The following TAGLN2 variants were observed in gnomAD, a reference collection of about 807,000 sequenced individuals.
The protein encoded by TAGLN2 is transgelin-2.
In TAGLN2, 14 loss-of-function variants were observed where a neutral mutation model predicts 24.9. The observed-to-expected ratio is 0.56, with a 90% confidence interval of 0.37 to 0.88. The LOEUF (loss-of-function observed/expected upper bound fraction) is 0.88, where lower values mean the gene tolerates loss of function less well. Among genes scored for constraint, TAGLN2 ranks in the 40% least tolerant of loss-of-function variants. The pLI, the probability that TAGLN2 is intolerant of heterozygous loss-of-function variation, is 0.00. For missense variants in TAGLN2, 208 were observed against 258.9 expected (o/e 0.80, Z 1.35); for synonymous variants, 77 against 98.2 (o/e 0.78, Z 1.28).
chr1:159,919,976 T>A, intron 2 of TAGLN2, 141 bp from the exon 3 acceptor site: 1 of 963,292 alleles, frequency 1.0e-6, no homozygotes, highest in Non-Finnish European at 1.6e-6. Context: ...TTCACTAGAG[T>A]AAGCCTCACA....
Position 159,920,403 on chromosome 1 carries a change from G to A in TAGLN2, c.107C>T (p.Thr36Ile), listed in dbSNP as rs2101865952. 4 of 1,614,162 alleles carry A rather than the reference G, an allele frequency of 2.5e-6. No homozygotes were observed. The highest frequency in any genetic ancestry group is 2.5e-6 in the Non-Finnish European group (3 of 1,180,004). Reference sequence around the variant, plus strand: ...CCGGCCCACATCCTTTCGGCACTGGGTGGTGATCCACTGGATCAGGATCTG... The same window carrying A: ...CCGGCCCACATCCTTTCGGCACTGGATGGTGATCCACTGGATCAGGATCTG... ...LEQILIQWIT[T>I]QCRKDVGRPQ... The change falls in exon 2 of 5, where the codon ACC becomes ATC. Residue 36 changes from threonine (T) to isoleucine (I), a missense_variant. By Grantham distance (89) the Thr-to-Ile change is moderately conservative. Coordinates refer to ENST00000368097, the MANE Select transcript of TAGLN2 (RefSeq NM_003564.3).
At chr1:159,919,062 G>T in intron 4 of TAGLN2, 121 bp from the exon 5 acceptor site, 1 of 1,495,564 alleles carries the variant, frequency 6.7e-7, no homozygotes, top group Non-Finnish European at 9.1e-7. Context: ...GCCCTCGAGA[G>T]CCATAAGCTC....
chr1:159,922,210 C>T (rs561151955), intron 1 of TAGLN2, among the ~76,000 whole-genome samples: 1 of 152,308 alleles, frequency 6.6e-6, no homozygotes, highest in East Asian at 1.9e-4. Flanking sequence ...CTCTCGGCCG[C>T]AGAGGCTGTG....
At chr1:159,922,052 C>T (rs1416978916) in intron 1 of TAGLN2, among the ~76,000 whole-genome samples, 2 of 152,272 alleles carry the variant, frequency 1.3e-5, no homozygotes, top group Non-Finnish European at 2.9e-5. Context: ...CCACATCTGG[C>T]TCCAGGCCAG....
intron 1 of TAGLN2, chr1:159,923,549 GCAGATGGAA>G: frequency 6.9e-7 from 1 of 1,449,732 alleles, no homozygotes; most frequent in Non-Finnish European, 9.3e-7. Flanking sequence ...CATCCACCGT[GCAGATGGAA>G]CACAGGAGAA....
chr1:159,920,651 G>T (rs1289690604), intron 1 of TAGLN2, 114 bp from the exon 2 acceptor site: 1 of 1,476,228 alleles, frequency 6.8e-7, no homozygotes, highest in Non-Finnish European at 9.0e-7. Context: ...TGAGCCCCAA[G>T]GATGAGGACC....
At position 159,918,619 on chromosome 1, in the gene TAGLN2, G is replaced by T; in HGVS notation, c.*181C>A. 1.2e-6 allele frequency: 1 copy of T among 814,392 alleles called. No homozygotes were observed. 50.4% of individuals were successfully genotyped at this position (814,392 alleles called of 1,614,324 possible). ...TGGCTATGGGGAAGGGAATGTATTA[G>T]TAAGCATGGGGGAGAGGATGCCAGC... On this transcript the variant is annotated 3_prime_UTR_variant, in exon 5 of 5. Coordinates refer to ENST00000368097, the MANE Select transcript of TAGLN2 (RefSeq NM_003564.3).
At chr1:159,919,068 A>G (rs1650436536) in intron 4 of TAGLN2, 127 bp from the exon 5 acceptor site, 4 of 1,417,988 alleles carry the variant, frequency 2.8e-6, no homozygotes, top group Non-Finnish European at 3.9e-6. Context: ...GAGAGCCATA[A>G]GCTCTCTGAA....
Position 159,919,671 on chromosome 1 carries a change from G to A in TAGLN2, c.345C>T (p.Asp115=), listed in dbSNP as rs1194055451. The change falls in exon 3 of 5, where the codon GAC becomes GAT. Residue 115 remains aspartate (D), a synonymous_variant. Coordinates refer to ENST00000368097, the MANE Select transcript of TAGLN2 (RefSeq NM_003564.3). The part of the protein sequence containing the change: ...INTTDIFQTV[D]LWEGKNMACV... Reference sequence around the variant, plus strand: ...CTCGCCCTGTCCCACCTTCCCAGAGGTCCACAGTTTGGAAGATGTCAGTGG... The same window carrying A: ...CTCGCCCTGTCCCACCTTCCCAGAGATCCACAGTTTGGAAGATGTCAGTGG... The A allele has an allele frequency of 6.2e-7, 1 of 1,612,636 alleles. No homozygotes were observed. The highest frequency in any genetic ancestry group is 1.3e-5 in the African/African-American group (1 of 74,882).
Position 159,918,574 on chromosome 1 carries a change from G to A in TAGLN2, c.*226C>T, listed in dbSNP as rs1319540106. On this transcript the variant is annotated 3_prime_UTR_variant, in exon 5 of 5. Transcript: ENST00000368097. ...TTTTGGTCCCAGGGGAAAGGAAGAG[G>A]CCAGTTGGTCCAGTTTTGATGGCTA... 3.6e-6 allele frequency: 2 copies of A among 561,012 alleles called. No homozygotes were observed. The highest frequency in any genetic ancestry group is 3.2e-5 in the East Asian group (1 of 31,370). 34.8% of individuals were successfully genotyped at this position (561,012 alleles called of 1,614,324 possible).
chr1:159,919,259 C>T lies in TAGLN2; in HGVS notation c.458+15G>A. 1 of 1,608,626 alleles carries T rather than the reference C, an allele frequency of 6.2e-7. No homozygotes were observed. Among genetic ancestry groups the T allele is most frequent in the Non-Finnish European group, 8.5e-7 (1 of 1,175,008 alleles). The stretch of plus-strand genomic sequence containing the variant: ...TGCACCTGCTGGACCCTGCGGCTGT[C>T]CCAGCAATACTTACTTAGGGAACCA... On this transcript the variant is annotated intron_variant, in intron 4 of 4. Transcript: ENST00000368097.
rs187871548 is a variant in TAGLN2 at position 159,919,599 on chromosome 1, G to C, written c.355+62C>G. The C allele has an allele frequency of 2.1e-5, 33 of 1,586,160 alleles. 1 individual carries two copies. The Admixed American group carries it at 5.6e-4, about 27-fold the overall frequency. On this transcript the variant is annotated intron_variant, in intron 3 of 4. Coordinates refer to ENST00000368097, the MANE Select transcript of TAGLN2 (RefSeq NM_003564.3). ...AAAACAGCCCCTTCTGCCTGGTCAA[G>C]AGGGCCCAGCCCAATCTCTGGCCTC...
chr1:159,920,113 CCACTGCCTGGGAGGCACATT>C (rs1650479420), intron 2 of TAGLN2, 197 bp downstream of exon 2: 1 of 819,352 alleles, frequency 1.2e-6, no homozygotes, highest in Non-Finnish European at 2.1e-6. Context: ...CCTCAGTCTT[CCACTGCCTGGGAGGCACATT>C]CACCCTTACC....
At chr1:159,923,295 G>T in intron 1 of TAGLN2, 1 of 937,868 alleles carries the variant, frequency 1.1e-6, no homozygotes, top group Non-Finnish European at 1.5e-6. Flanking sequence ...GGGATGGACT[G>T]GCAGGGAGCA....
rs758263434 is a variant in TAGLN2, at chr1:159,918,927, T to G, written c.473A>C (p.Asn158Thr). 5.6e-5 allele frequency: 90 copies of G among 1,614,086 alleles called. No homozygotes were observed. Among genetic ancestry groups the G allele is most frequent in the Admixed American group, 6.7e-5 (4 of 60,006 alleles). ...PNWFPKKSKE[N>T]PRNFSDNQLQ... ...CTGGTTATCCGAGAAGTTCCGAGGATTCTCCTTGGATTTCCTGGGTGACAA... is the reference window on the plus strand; with the variant it reads ...CTGGTTATCCGAGAAGTTCCGAGGAGTCTCCTTGGATTTCCTGGGTGACAA... Residue 158 changes from asparagine (N) to threonine (T), a missense_variant, in exon 5 of 5, where the codon AAT (asparagine) becomes ACT (threonine). Coordinates refer to ENST00000368097, the MANE Select transcript of TAGLN2 (RefSeq NM_003564.3).
At chr1:159,921,279 A>AG (rs1453363469) in intron 1 of TAGLN2, among the ~76,000 whole-genome samples, 1 of 152,184 alleles carries the variant, frequency 6.6e-6, no homozygotes, top group Non-Finnish European at 1.5e-5. Context: ...CGAAATGGGG[A>AG]GATTATCCTG....
rs756753179 is a variant in TAGLN2, at chr1:159,920,322, G to A, written c.180+8C>T. Reference sequence around the variant, plus strand: ...TGCACTTCCAAGCCAGTGGGGCCCGGCTCTCACCGTGCCATCCTTGAGCCA... The same window carrying A: ...TGCACTTCCAAGCCAGTGGGGCCCGACTCTCACCGTGCCATCCTTGAGCCA... On this transcript the variant is annotated splice_region_variant and intron_variant, in intron 2 of 4. Transcript: ENST00000368097. 7 of 1,614,092 alleles carry A rather than the reference G, an allele frequency of 4.3e-6. No homozygotes were observed. The Admixed American group carries it at 6.7e-5, about 15-fold the overall frequency.
intron 1 of TAGLN2, among the ~76,000 whole-genome samples, chr1:159,921,178 C>CCA (rs397827797): frequency 0.017 from 2,523 of 152,128 alleles, 32 homozygotes; most frequent in Non-Finnish European, 0.024. Context: ...ATCATGCCCC[C>CCA]GCAAAAGGTG....
At chr1:159,925,106 C>T (rs991793193) in intron 1 of TAGLN2, 3 of 152,254 alleles carry the variant, frequency 2.0e-5, no homozygotes, top group Admixed American at 6.5e-5. Context: ...GACCCGGGGT[C>T]ACTCGGGGCC....
Sources: gnomAD v4.1 joint callset for allele counts (sites outside exome capture counted in the v4.1 genomes callset) on GRCh38, gnomAD v4.1.1 for gene constraint, MANE v1.5 for transcripts, NCBI Gene and HGNC (gene_info 2026-07-23, HGNC 2026-07-21) for gene names.